SGO2: variants seen among roughly 807,000 people sequenced by gnomAD.
The protein encoded by SGO2 is shugoshin 2.
SGO2 carries 68 observed loss-of-function variants against 99.5 expected under a neutral mutation model. The observed-to-expected ratio is 0.68, with a 90% CI of 0.56 to 0.84. The LOEUF (loss-of-function observed/expected upper bound fraction) is 0.84, where lower values mean the gene tolerates loss of function less well. SGO2 is among the 40% of genes least tolerant of loss of function. The pLI is 0.00. For missense variants in SGO2, 1,350 were observed against 1,436.7 expected, an observed-to-expected ratio of 0.94 and a Z score of 0.97; for synonymous variants, 457 against 487.1, an observed-to-expected ratio of 0.94 and a Z score of 0.81.
chr2:200,572,918 G>A lies in SGO2; in HGVS notation c.2572G>A (p.Val858Ile). The change falls in exon 7 of 9, where the codon GTC becomes ATC. Residue 858 changes from valine to isoleucine, a missense_variant. Val to Ile is a conservative substitution (Grantham distance 29). Coordinates refer to ENST00000357799, the MANE Select transcript of SGO2 (RefSeq NM_152524.6). ...DKETISENLQ[V>I]TNEFQTVDLL... ...AGAAACAATTTCTGAAAATCTACAA[G>A]TCACAAATGAATTTCAAACAGTTGA... 1 of 1,594,648 alleles carries A rather than the reference G, an allele frequency of 6.3e-7. No individual in the cohort carries two copies. Among genetic ancestry groups the A allele is most frequent in the South Asian group, 1.2e-5 (1 of 85,926 alleles).
intron 4 of SGO2, among the ~76,000 whole-genome samples, chr2:200,538,740 T>C (rs191599034): frequency 9.5e-4 from 144 of 152,326 alleles, no homozygotes; most frequent in African/African-American, 3.4e-3. Flanking sequence ...TAATGCTAAG[T>C]AATGTAAGTA....
chr2:200,536,800 G>GGGTCATATA (rs2031716633), intron 4 of SGO2, among the ~76,000 whole-genome samples: 1 of 152,004 alleles, frequency 6.6e-6, no homozygotes, highest in South Asian at 2.1e-4. Context: ...GGCAGGTGAT[G>GGGTCATATA]GGTCATATAG....
chr2:200,532,829 A>T, intron 1 of SGO2, 145 bp from the exon 2 acceptor site: 1 of 891,220 alleles, frequency 1.1e-6, no homozygotes, highest in Non-Finnish European at 1.6e-6. Context: ...GATTACATTC[A>T]TACTTTCAGA....
Position 200,573,147 on chromosome 2 carries a change from A to G in SGO2, c.2801A>G (p.Gln934Arg), listed in dbSNP as rs1241902936. ...YEDNDKDAHV[Q>R]ESYTKDLDFK... ...GATAATGATAAAGATGCACATGTCCAAGAAAGCTATACAAAAGATCTTGAT... is the reference window on the plus strand; with the variant it reads ...GATAATGATAAAGATGCACATGTCCGAGAAAGCTATACAAAAGATCTTGAT... Residue 934 changes from glutamine (Q) to arginine (R), a missense_variant, in exon 7 of 9, where the codon CAA becomes CGA. Gln to Arg is a conservative substitution (Grantham distance 43). Coordinates refer to ENST00000357799, the MANE Select transcript of SGO2 (RefSeq NM_152524.6). 1 of 1,588,992 alleles carries G rather than the reference A, an allele frequency of 6.3e-7. No individual in the cohort carries two copies. The highest frequency in any genetic ancestry group is 8.5e-7 in the Non-Finnish European group (1 of 1,173,568).
In SGO2 at chr2:200,575,478, A is replaced by G. The variant is rs1165171655; in HGVS notation, c.3782+17A>G. 6.6e-7 allele frequency: 1 copy of G among 1,525,480 alleles called. No individual in the cohort carries two copies. Among genetic ancestry groups the G allele is most frequent in the South Asian group, 1.3e-5 (1 of 77,958 alleles). 94.5% of individuals were successfully genotyped at this position (1,525,480 alleles called of 1,614,324 possible). ...CCTCAGAGAGTAAGTATTTCAAATG[A>G]TTTTAGTATGCCATTATAAAATATA... On this transcript the variant is annotated intron_variant, in intron 8 of 8. Transcript: ENST00000357799.
chr2:200,566,244 G>T (rs186184210), intron 5 of SGO2, among the ~76,000 whole-genome samples: 2,017 of 152,252 alleles, frequency 0.013, 27 homozygotes, highest in South Asian at 0.02. Flanking sequence ...TACAGATGGG[G>T]TTTTGGTGTG....
intron 4 of SGO2, among the ~76,000 whole-genome samples, chr2:200,541,792 G>A (rs2031975174): frequency 6.6e-6 from 1 of 152,128 alleles, no homozygotes; most frequent in Non-Finnish European, 1.5e-5. Context: ...GAGTGTGGAA[G>A]TTTAGGTTCC....
In SGO2 at chr2:200,541,150, G is replaced by T. The variant is rs565798241; in HGVS notation, c.388-1429G>T. ...CCTCATGACCTAATTACCTCTTAAAGGTCCTGCCTCTTAATACCATCACAA... is the reference window on the plus strand; with the variant it reads ...CCTCATGACCTAATTACCTCTTAAATGTCCTGCCTCTTAATACCATCACAA... On this transcript the variant is annotated intron_variant, in intron 4 of 8. Coordinates refer to ENST00000357799, the MANE Select transcript of SGO2 (RefSeq NM_152524.6). 7.2e-5 allele frequency among the ~76,000 whole-genome samples: 11 copies of T among 152,274 alleles called. No individual in the cohort carries two copies. In the South Asian group the frequency reaches 2.3e-3, roughly 32 times the overall value.
chr2:200,563,949 T>A (rs1283272816), intron 5 of SGO2, among the ~76,000 whole-genome samples: 1 of 152,216 alleles, frequency 6.6e-6, no homozygotes, highest in African/African-American at 2.4e-5. Context: ...TCTTCTCTCT[T>A]TTCTTCTTTA....
rs566532311 is a variant in SGO2 at position 200,570,601 on chromosome 2, CAT to C, written c.704-448_704-447del. Reference sequence around the variant, plus strand: ...ATAATGTATACAGTATACATATATACATGTGTGTATATATTTACACACATACA... The same window carrying C: ...ATAATGTATACAGTATACATATATACGTGTGTATATATTTACACACATACA... On this transcript the variant is annotated intron_variant, in intron 6 of 8. Coordinates refer to ENST00000357799, the MANE Select transcript of SGO2 (RefSeq NM_152524.6). The surrounding 1 kb of genome is among the most constrained non-coding windows in gnomAD (Gnocchi z 4.4). Among the ~76,000 whole-genome samples the C allele has an allele frequency of 1.3e-4, 19 of 146,866 alleles. No homozygotes were observed. The East Asian group carries it at 3.3e-3, about 26-fold the overall frequency.
chr2:200,545,909 G>A (rs2032188637), intron 5 of SGO2, among the ~76,000 whole-genome samples: 1 of 152,202 alleles, frequency 6.6e-6, no homozygotes, highest in African/African-American at 2.4e-5. Flanking sequence ...GACAAGCAAG[G>A]CTGGACTACC....
intron 1 of SGO2, among the ~76,000 whole-genome samples, chr2:200,531,108 T>TAA (rs1386146990): frequency 4.5e-4 from 64 of 140,914 alleles, no homozygotes; most frequent in Non-Finnish European, 7.3e-4. Flanking sequence ...GTGATGTCTT[T>TAA]AAGGAGGCAG....
chr2:200,571,062 A>G lies in SGO2; in HGVS notation c.716A>G (p.His239Arg), dbSNP rs746054250. The G allele has an allele frequency of 5.7e-6, 9 of 1,572,434 alleles. No homozygotes were observed. The highest frequency in any genetic ancestry group is 1.7e-4 in the Middle Eastern group (1 of 5,868). ...VDVPPRESHS[H>R]SDQSSKTSLM... ...CTTTTCTTAATAGAAAGCCATTCCC[A>G]CTCAGACCAAAGTTCTAAGACTTCT... The change falls in exon 7 of 9, where the codon CAC becomes CGC. Residue 239 changes from histidine (H) to arginine (R), a missense_variant. Physicochemically the swap from His to Arg is conservative, Grantham distance 29. Transcript: ENST00000357799.
At chr2:200,534,811 G>A (rs898830832) in intron 2 of SGO2, among the ~76,000 whole-genome samples, 185 bp from the exon 3 acceptor site, 3 of 152,004 alleles carry the variant, frequency 2.0e-5, no homozygotes, top group African/African-American at 7.3e-5. Context: ...CTTCTGTCTA[G>A]CTTTCATTTC....
In SGO2 at chr2:200,579,896, A is replaced by AGAG. The variant is rs1201390787; in HGVS notation, c.3783-3553_3783-3552insGAG. On this transcript the variant is annotated intron_variant, in intron 8 of 8. Transcript: ENST00000357799. Reference sequence around the variant, plus strand: ...GAAAGTCACCATCTTGGTTCCTTTAATGAAATAATTTATATTTCATTATAA... The same window carrying AGAG: ...GAAAGTCACCATCTTGGTTCCTTTAAGAGTGAAATAATTTATATTTCATTATAA... Among the ~76,000 whole-genome samples the AGAG allele has an allele frequency of 2.6e-5, 4 of 152,184 alleles. No homozygotes were observed. In the East Asian group the frequency reaches 7.7e-4, roughly 29 times the overall value.
At chr2:200,583,388 C>T in intron 8 of SGO2, 61 bp from the exon 9 acceptor site, 1 of 1,455,184 alleles carries the variant, frequency 6.9e-7, no homozygotes, top group Middle Eastern at 1.8e-4. Context: ...CTTCTCCATG[C>T]TTCACAGCAA....
chr2:200,561,939 G>A (rs2032988389), intron 5 of SGO2, among the ~76,000 whole-genome samples: 1 of 152,136 alleles, frequency 6.6e-6, no homozygotes. Flanking sequence ...TAAGTTCTTT[G>A]TAGATTCTGG....
intron 5 of SGO2, among the ~76,000 whole-genome samples, chr2:200,555,903 T>TG (rs2032691309): frequency 6.6e-6 from 1 of 152,234 alleles, no homozygotes; most frequent in African/African-American, 2.4e-5. Context: ...AAACAGGGTC[T>TG]GTGGTGCCTC....
rs776676840 is a variant in SGO2, at chr2:200,573,580, G to C, written c.3234G>C (p.Lys1078Asn). The change falls in exon 7 of 9, where the codon AAG becomes AAC. Residue 1078 changes from lysine (K) to asparagine (N), a missense_variant. Physicochemically the swap from Lys to Asn is moderately conservative, Grantham distance 94. Transcript: ENST00000357799. ...AAAAGGTAAATAAAATGACATCTAA[G>C]TCAAAGAAAAGGAAGACCTCCATAG... ...QVKKVNKMTSKSKKRKTSIDP... is the reference protein window; with the variant it reads ...QVKKVNKMTSNSKKRKTSIDP... 1.6e-5 allele frequency: 25 copies of C among 1,605,604 alleles called. No individual in the cohort carries two copies. The highest frequency in any genetic ancestry group is 2.0e-5 in the Non-Finnish European group (24 of 1,177,770).
Sources: allele counts gnomAD v4.1 joint callset (sites outside exome capture counted in the v4.1 genomes callset), GRCh38; gene constraint gnomAD v4.1.1; non-coding constraint Gnocchi (gnomAD v3.1); transcripts MANE v1.5; gene names NCBI Gene and HGNC (gene_info 2026-07-23, HGNC 2026-07-21).